The following TRIM24 variants were observed in gnomAD, a reference collection of about 807,000 sequenced individuals.
TRIM24 encodes the protein transcription intermediary factor 1-alpha.
Under a neutral mutation model 123.9 loss-of-function variants are expected in TRIM24, and 29 were observed. The observed-to-expected ratio is 0.23, with a 90% CI of 0.17 to 0.32. The LOEUF (loss-of-function observed/expected upper bound fraction) is 0.32. TRIM24 is among the 10% of genes least tolerant of loss of function. TRIM24 has a pLI of 1.00. For synonymous variants in TRIM24, 456 were observed against 461.1 expected (o/e 0.99, Z 0.14); for missense variants, 932 against 1,295.3 (o/e 0.72, Z 4.31).
intron 1 of TRIM24, among the ~76,000 whole-genome samples, chr7:138,485,760 G>A (rs111283232): frequency 5.5e-4 from 84 of 152,246 alleles, no homozygotes; most frequent in Middle Eastern, 3.4e-3. Context: ...ATTTGGGTTG[G>A]TTCCAAGTCT....
chr7:138,556,143 C>A (rs1383959668), intron 9 of TRIM24: 1 of 151,866 alleles, frequency 6.6e-6, no homozygotes, highest in African/African-American at 2.4e-5. Flanking sequence ...GATATAAAAC[C>A]CTTCAATTCA....
chr7:138,534,699 G>C (rs1171397115), intron 6 of TRIM24, among the ~76,000 whole-genome samples: 10 of 152,186 alleles, frequency 6.6e-5, no homozygotes. Context: ...TGTTGATTTG[G>C]GGTGGAGAGT....
chr7:138,547,405 C>CA (rs1311713817), intron 7 of TRIM24, among the ~76,000 whole-genome samples: 3 of 151,884 alleles, frequency 2.0e-5, no homozygotes, highest in South Asian at 2.1e-4. Flanking sequence ...GTTCTCATCA[C>CA]AAAAAAATAA....
At chr7:138,525,852 A>G (rs745580253) in intron 5 of TRIM24, among the ~76,000 whole-genome samples, 2 of 152,232 alleles carry the variant, frequency 1.3e-5, no homozygotes, top group Non-Finnish European at 2.9e-5. Flanking sequence ...TGTCTGATAA[A>G]ATGCTTACTT....
intron 9 of TRIM24, 74 bp from the exon 10 acceptor site, chr7:138,567,407 T>C: frequency 7.2e-7 from 1 of 1,397,102 alleles, no homozygotes; most frequent in Non-Finnish European, 9.6e-7. Flanking sequence ...TGTAAAAGTT[T>C]TATAAGATAG....
At chr7:138,524,398 C>G (rs1343417944) in intron 4 of TRIM24, among the ~76,000 whole-genome samples, 1 of 152,020 alleles carries the variant, frequency 6.6e-6, no homozygotes, top group Non-Finnish European at 1.5e-5. Context: ...GTAAAAAAAA[C>G]TTGAGTTGCC....
At chr7:138,579,780 G>T in intron 15 of TRIM24, among the ~76,000 whole-genome samples, 1 of 152,178 alleles carries the variant, frequency 6.6e-6, no homozygotes, top group Non-Finnish European at 1.5e-5. Context: ...AAAATTAGCC[G>T]GGTATGGTAG....
intron 2 of TRIM24, among the ~76,000 whole-genome samples, chr7:138,508,658 G>C (rs898763706): frequency 7.7e-6 from 1 of 130,348 alleles, no homozygotes; most frequent in Non-Finnish European, 1.7e-5. Flanking sequence ...TGACTAATAA[G>C]AGGAGTGTGT....
intron 6 of TRIM24, among the ~76,000 whole-genome samples, chr7:138,535,859 G>T (rs1343458951): frequency 6.6e-6 from 1 of 152,004 alleles, no homozygotes; most frequent in Non-Finnish European, 1.5e-5. Context: ...ACACCAATCA[G>T]ACATAGATTT....
intron 9 of TRIM24, among the ~76,000 whole-genome samples, chr7:138,564,380 G>A (rs1397049291): frequency 6.6e-6 from 1 of 152,192 alleles, no homozygotes; most frequent in African/African-American, 2.4e-5. Context: ...ATCTGAATCT[G>A]ACTCCTTGGG....
At chr7:138,566,511 C>CA (rs994646793) in intron 9 of TRIM24, among the ~76,000 whole-genome samples, 6 of 152,036 alleles carry the variant, frequency 3.9e-5, no homozygotes, top group Admixed American at 1.3e-4. Context: ...AACAAACAAA[C>CA]AAAAAACAGA....
intron 1 of TRIM24, among the ~76,000 whole-genome samples, chr7:138,502,561 C>CGT (rs1203904463): frequency 1.3e-5 from 2 of 152,142 alleles, no homozygotes; most frequent in African/African-American, 4.8e-5. Flanking sequence ...GTGCACATGA[C>CGT]ATGTCATTAG....
At chr7:138,582,247 T>G (rs970609781) in intron 17 of TRIM24, among the ~76,000 whole-genome samples, 1 of 152,112 alleles carries the variant, frequency 6.6e-6, no homozygotes, top group Non-Finnish European at 1.5e-5. Flanking sequence ...ATATTGAAAG[T>G]TTGATGTGAC....
At chr7:138,531,421 A>G (rs1445881717) in intron 6 of TRIM24, among the ~76,000 whole-genome samples, 1 of 139,994 alleles carries the variant, frequency 7.1e-6, no homozygotes, top group Non-Finnish European at 1.5e-5. Context: ...CCTGTGTCCA[A>G]GTGTTCTCAT....
chr7:138,507,271 C>T (rs141234879), intron 2 of TRIM24, among the ~76,000 whole-genome samples: 50 of 152,142 alleles, frequency 3.3e-4, no homozygotes, highest in African/African-American at 1.2e-3. Flanking sequence ...TAGCCATCAA[C>T]TCTTGTTTTG....
intron 1 of TRIM24, among the ~76,000 whole-genome samples, chr7:138,499,390 A>G (rs1487007027): frequency 1.3e-5 from 2 of 152,224 alleles, no homozygotes; most frequent in Non-Finnish European, 2.9e-5. Flanking sequence ...TAAGCACAAC[A>G]GGTTACATGA....
At chr7:138,555,393 C>G (rs1462826528) in intron 9 of TRIM24, among the ~76,000 whole-genome samples, 3 of 151,940 alleles carry the variant, frequency 2.0e-5, no homozygotes, top group Admixed American at 2.0e-4. Flanking sequence ...TAGAAAAGGG[C>G]AGAAGTGTGA....
At chr7:138,507,559 G>A (rs1197260717) in intron 2 of TRIM24, among the ~76,000 whole-genome samples, 1 of 151,792 alleles carries the variant, frequency 6.6e-6, no homozygotes. Flanking sequence ...CTGACCTCAG[G>A]TGGTCCACCC....
intron 1 of TRIM24, among the ~76,000 whole-genome samples, chr7:138,491,818 A>G (rs1205053690): frequency 1.3e-5 from 2 of 151,988 alleles, no homozygotes; most frequent in East Asian, 3.9e-4. Flanking sequence ...GACAACATGT[A>G]TTTTTCCTTT....
Sources: gnomAD v4.1 joint callset for allele counts (sites outside exome capture counted in the v4.1 genomes callset) on GRCh38, gnomAD v4.1.1 for gene constraint, MANE v1.5 for transcripts, NCBI Gene and HGNC (gene_info 2026-07-23, HGNC 2026-07-21) for gene names.